Variants in ZNF773 observed in about 807,000 individuals in gnomAD.
ZNF773 encodes the protein zinc finger protein 419B.
Under a neutral mutation model 12.8 loss-of-function variants are expected in ZNF773, and 11 were observed. That is an observed-to-expected ratio of 0.86 (90% CI 0.54 to 1.42). ZNF773 has a LOEUF of 1.42. Ranked by LOEUF, ZNF773 falls within the 40% of genes most tolerant of loss-of-function variation. ZNF773 has a pLI of 0.00. For synonymous variants in ZNF773, 175 were observed against 178.4 expected, an observed-to-expected ratio of 0.98 and a Z score of 0.15; for missense variants, 518 against 527.2, an observed-to-expected ratio of 0.98 and a Z score of 0.17.
downstream of ZNF773, among the ~76,000 whole-genome samples, chr19:57,509,443 A>G (rs1299682316): frequency 6.6e-6 from 1 of 152,228 alleles, no homozygotes; most frequent in Non-Finnish European, 1.5e-5. Context: ...ATTGGCTTAT[A>G]TAATTTTTTA....
chr19:57,506,334 TC>T (rs755671914), intron 3 of ZNF773, 23 bp from the exon 4 acceptor site: 4 of 1,589,822 alleles, frequency 2.5e-6, no homozygotes, highest in Non-Finnish European at 3.4e-6. Context: ...TACATTTACT[TC>T]ATCAACATTT....
At chr19:57,512,357 A>C (rs958669807), downstream of ZNF773, among the ~76,000 whole-genome samples, 13 of 151,710 alleles carry the variant, frequency 8.6e-5, no homozygotes, top group African/African-American at 3.1e-4. Flanking sequence ...CACAGACTGT[A>C]CTTGGTGCTT....
intron 1 of ZNF773, among the ~76,000 whole-genome samples, chr19:57,501,769 A>T (rs1460267137): frequency 6.6e-6 from 1 of 152,146 alleles, no homozygotes; most frequent in Admixed American, 6.5e-5. Context: ...ATAGACCATG[A>T]GAAGGTAAGT....
chr19:57,503,933 C>T (rs2089697637), intron 1 of ZNF773, among the ~76,000 whole-genome samples: 2 of 152,164 alleles, frequency 1.3e-5, no homozygotes, highest in African/African-American at 2.4e-5. Context: ...GGCAGGATTA[C>T]AGGCATGAGC....
At chr19:57,510,400 A>G (rs1319731030), downstream of ZNF773, among the ~76,000 whole-genome samples, 1 of 138,692 alleles carries the variant, frequency 7.2e-6, no homozygotes, top group East Asian at 1.9e-4. Flanking sequence ...CAGCACATCT[A>G]TGAAAAACAA....
downstream of ZNF773, chr19:57,513,249 C>T (rs2089810869): frequency 1.9e-6 from 1 of 532,778 alleles, no homozygotes; most frequent in South Asian, 7.7e-5. Context: ...TATGCAGTCA[C>T]TTAAAGGTTT....
Position 57,507,555 on chromosome 19 carries a change from TCA to T in ZNF773, c.*134_*135del. Reference sequence around the variant, plus strand: ...CCAAACTCATTCAACACTGGACAGTTCACAGAGTGGACAATGTAGTGAATATG... The same window carrying T: ...CCAAACTCATTCAACACTGGACAGTTCAGAGTGGACAATGTAGTGAATATG... On this transcript the variant is annotated 3_prime_UTR_variant, in exon 4 of 4. Transcript: ENST00000282292. 6.9e-7 allele frequency: 1 copy of T among 1,449,936 alleles called. No homozygotes were observed. Among genetic ancestry groups the T allele is most frequent in the Non-Finnish European group, 9.0e-7 (1 of 1,107,988 alleles). 89.8% of individuals were successfully genotyped at this position (1,449,936 alleles called of 1,614,324 possible).
Position 57,506,439 on chromosome 19 carries a change from A to C in ZNF773, c.344A>C (p.His115Pro). Residue 115 changes from histidine (H) to proline (P), a missense_variant, in exon 4 of 4, where the codon CAC (histidine) becomes CCC (proline). His to Pro is a moderately conservative substitution (Grantham distance 77). Transcript: ENST00000282292. Reference sequence around the variant, plus strand: ...GTGCCCAGTTCAAACGTTCAGCAACACCAGAAGCAGCACTGTGGAGAGAAA... The same window carrying C: ...GTGCCCAGTTCAAACGTTCAGCAACCCCAGAAGCAGCACTGTGGAGAGAAA... ...VEVPSSNVQQ[H>P]QKQHCGEKPL... The C allele has an allele frequency of 6.2e-7, 1 of 1,614,250 alleles. No individual in the cohort carries two copies.
chr19:57,518,026 C>G (rs180863935), downstream of ZNF773: 1 of 154,002 alleles, frequency 6.5e-6, no homozygotes, highest in African/African-American at 2.4e-5. Flanking sequence ...AGCTGCACAG[C>G]CTGCAATTAC....
downstream of ZNF773, chr19:57,513,247 C>A: frequency 1.9e-6 from 1 of 537,598 alleles, no homozygotes; most frequent in Non-Finnish European, 2.9e-6. Flanking sequence ...TATATGCAGT[C>A]ACTTAAAGGT....
downstream of ZNF773, chr19:57,516,013 C>G (rs564441092): frequency 4.0e-4 from 61 of 152,968 alleles, 1 homozygote; most frequent in Admixed American, 3.0e-3. Context: ...GCCCGGTAGA[C>G]TTACTGATAT....
intron 3 of ZNF773, 147 bp from the exon 4 acceptor site, chr19:57,506,211 C>T: frequency 1.5e-6 from 2 of 1,320,944 alleles, no homozygotes; most frequent in East Asian, 2.3e-5. Flanking sequence ...CAGCACTGCA[C>T]AGCAGGCCCT....
Position 57,504,710 on chromosome 19 carries a change from G to A in ZNF773, c.87G>A (p.Trp29Ter). 6.2e-7 allele frequency: 1 copy of A among 1,614,046 alleles called. No individual in the cohort carries two copies. Among genetic ancestry groups the A allele is most frequent in the Non-Finnish European group, 8.5e-7 (1 of 1,180,026 alleles). The change falls in exon 2 of 4, where the codon TGG becomes TGA. Residue 29 changes from tryptophan to a stop codon, truncating the protein, a stop_gained. Coordinates refer to ENST00000282292, the MANE Select transcript of ZNF773 (RefSeq NM_198542.3). LOFTEE classifies it high-confidence loss of function. ...DVAVYFSQEE[W>*]RLLDDAQRLL... ...CTGTCTACTTCTCCCAGGAGGAATGGAGATTGCTTGATGACGCTCAGAGGC... is the reference window on the plus strand; with the variant it reads ...CTGTCTACTTCTCCCAGGAGGAATGAAGATTGCTTGATGACGCTCAGAGGC...
chr19:57,508,339 C>T (rs116348244), downstream of ZNF773: 925 of 605,574 alleles, frequency 1.5e-3, 9 homozygotes, highest in African/African-American at 0.017. Flanking sequence ...CTGCACCAGT[C>T]GAATGGAGTT....
downstream of ZNF773, among the ~76,000 whole-genome samples, chr19:57,510,337 G>A (rs572947626): frequency 6.6e-6 from 1 of 152,160 alleles, no homozygotes; most frequent in Admixed American, 6.5e-5. Flanking sequence ...TCAAAACTCG[G>A]TTATGATACA....
chr19:57,507,574 G>A lies in ZNF773; in HGVS notation c.*150G>A. On this transcript the variant is annotated 3_prime_UTR_variant, in exon 4 of 4. Coordinates refer to ENST00000282292, the MANE Select transcript of ZNF773 (RefSeq NM_198542.3). ...GACAGTTCACAGAGTGGACAATGTA[G>A]TGAATATGGTAAAAGGCCTCAGCCA... 1.4e-6 allele frequency: 2 copies of A among 1,431,184 alleles called. No homozygotes were observed. Among genetic ancestry groups the A allele is most frequent in the African/African-American group, 1.4e-5 (1 of 69,728 alleles). The allele number at this position is 1,431,184 out of a possible 1,614,324, so 88.7% of individuals were successfully genotyped here.
At position 57,508,057 on chromosome 19, in the gene ZNF773, C is replaced by T. The variant is rs1298517259; in HGVS notation, c.*633C>T. 2 of 482,536 alleles carry T rather than the reference C, an allele frequency of 4.1e-6. No homozygotes were observed. Among genetic ancestry groups the T allele is most frequent in the Non-Finnish European group, 5.3e-6 (2 of 374,564 alleles). 29.9% of individuals were successfully genotyped at this position (482,536 alleles called of 1,614,324 possible). On this transcript the variant is annotated 3_prime_UTR_variant, in exon 4 of 4. Coordinates refer to ENST00000282292, the MANE Select transcript of ZNF773 (RefSeq NM_198542.3). ...TTGGGGGGCTGAGGCAGGAGATTTG[C>T]TTGAACCCGGGAGGCGGAGGTTGCA...
intron 1 of ZNF773, among the ~76,000 whole-genome samples, chr19:57,501,566 G>T (rs2089671015): frequency 6.6e-6 from 1 of 152,138 alleles, no homozygotes; most frequent in Non-Finnish European, 1.5e-5. Context: ...CCAAGGCACA[G>T]GGAAGTTGAG....
At chr19:57,503,305 G>C (rs1330311811) in intron 1 of ZNF773, among the ~76,000 whole-genome samples, 3 of 152,188 alleles carry the variant, frequency 2.0e-5, no homozygotes, top group Admixed American at 6.5e-5. Flanking sequence ...TAATAAGGGA[G>C]AATGTATAGG....
Sources: allele counts gnomAD v4.1 joint callset (sites outside exome capture counted in the v4.1 genomes callset), GRCh38; gene constraint gnomAD v4.1.1; transcripts MANE v1.5; gene names NCBI Gene and HGNC (gene_info 2026-07-23, HGNC 2026-07-21).